Variants in TMEM132C observed in about 807,000 individuals in gnomAD.
TMEM132C encodes protein phosphatase 1, regulatory subunit 152.
TMEM132C carries 29 observed loss-of-function variants against 61.4 expected under a neutral mutation model. The ratio of observed to expected loss-of-function variants is 0.47; its 90% CI spans 0.35 to 0.64. The LOEUF (loss-of-function observed/expected upper bound fraction) is 0.64, where lower values mean the gene tolerates loss of function less well. TMEM132C is among the 30% of genes least tolerant of loss of function. The probability of loss-of-function intolerance (pLI) is 0.00; values close to 1 mark genes in which losing one functional copy is unlikely to be tolerated. For synonymous variants in TMEM132C, 656 were observed against 633.1 expected (o/e 1.04, Z -0.54); for missense variants, 1,408 against 1,476.9 (o/e 0.95, Z 0.76).
chr12:128,267,317 C>A lies in TMEM132C; in HGVS notation c.-86C>A, dbSNP rs1333470036. ...CGGCCGACCGGGCTGCGGGAGTGGC[C>A]CCGGGCATGGGGCGGCCGGCGGGGG... On this transcript the variant is annotated 5_prime_UTR_variant, in exon 1 of 9. Coordinates refer to ENST00000435159, the MANE Select transcript of TMEM132C (RefSeq NM_001136103.3). 4.5e-6 allele frequency: 4 copies of A among 881,434 alleles called. No individual in the cohort carries two copies. Among genetic ancestry groups the A allele is most frequent in the Non-Finnish European group, 5.4e-6 (4 of 736,510 alleles). The allele number at this position is 881,434 out of a possible 1,614,324, so 54.6% of individuals were successfully genotyped here.
intron 2 of TMEM132C, among the ~76,000 whole-genome samples, chr12:128,502,466 C>T (rs1277363694): frequency 1.3e-5 from 2 of 152,298 alleles, no homozygotes; most frequent in African/African-American, 2.4e-5. Context: ...AACTTGGTTA[C>T]GATTTCATTT....
Position 128,696,625 on chromosome 12 carries a change from A to G in TMEM132C, c.1929+522A>G, listed in dbSNP as rs150251392. 6.0e-3 allele frequency among the ~76,000 whole-genome samples: 917 copies of G among 152,310 alleles called. 11 individuals are homozygous for G. Among genetic ancestry groups the G allele is most frequent in the African/African-American group, 0.021 (878 of 41,566 alleles). On this transcript the variant is annotated intron_variant, in intron 7 of 8. Coordinates refer to ENST00000435159, the MANE Select transcript of TMEM132C (RefSeq NM_001136103.3). ...GAATGGTAAAATTTCATGATGGGGC[A>G]TGAACAGCCTTTTCCTCAATCCCTC...
chr12:128,370,024 A>C (rs1438029677), intron 1 of TMEM132C, among the ~76,000 whole-genome samples: 3 of 152,214 alleles, frequency 2.0e-5, no homozygotes, highest in Non-Finnish European at 4.4e-5. Flanking sequence ...ATTTCTTGAA[A>C]GTCTTCCCTT....
Position 128,705,178 on chromosome 12 carries a change from C to A in TMEM132C, c.2210C>A (p.Ala737Asp). 1.3e-6 allele frequency: 2 copies of A among 1,551,710 alleles called. No homozygotes were observed. Among genetic ancestry groups the A allele is most frequent in the Admixed American group, 2.0e-5 (1 of 51,012 alleles). The change falls in exon 9 of 9, where the codon GCC becomes GAC. Residue 737 changes from alanine to aspartate, a missense_variant. Transcript: ENST00000435159. ...IYDTKDFSLA[A>D]TSQDEAVVSV... ...GACACCAAGGACTTCTCCCTGGCAG[C>A]CACCTCCCAGGACGAGGCTGTCGTG...
chr12:128,425,701 C>T (rs76278997), intron 2 of TMEM132C, among the ~76,000 whole-genome samples: 8,361 of 152,244 alleles, frequency 0.055, 745 homozygotes, highest in African/African-American at 0.19. Context: ...TCCTTGCCTT[C>T]GCCAGCTGTC....
chr12:128,400,702 G>A (rs189803334), intron 1 of TMEM132C, among the ~76,000 whole-genome samples: 5 of 151,710 alleles, frequency 3.3e-5, no homozygotes, highest in South Asian at 2.1e-4. Flanking sequence ...TCTGCTTCCC[G>A]GGTTCAAGCG....
intron 1 of TMEM132C, among the ~76,000 whole-genome samples, chr12:128,330,192 G>A (rs758846384): frequency 3.9e-5 from 6 of 152,096 alleles, no homozygotes; most frequent in East Asian, 1.9e-4. Flanking sequence ...ACCTATGCAC[G>A]TGATATTTGA....
At chr12:128,687,966 A>G (rs542182588) in intron 5 of TMEM132C, among the ~76,000 whole-genome samples, 9 of 152,166 alleles carry the variant, frequency 5.9e-5, no homozygotes, top group Admixed American at 1.3e-4. Flanking sequence ...TGGATCAGCA[A>G]TCCTCAAGTT....
Position 128,443,845 on chromosome 12 carries a change from A to G in TMEM132C, c.974+28225A>G, listed in dbSNP as rs143631305. ...GAATGCTCCGTCCTCTGTCTTCACA[A>G]AGTGGGCTTCTTCCTGCCATTCAGG... On this transcript the variant is annotated intron_variant, in intron 2 of 8. Coordinates refer to ENST00000435159, the MANE Select transcript of TMEM132C (RefSeq NM_001136103.3). Among the ~76,000 whole-genome samples the G allele has an allele frequency of 3.0e-4, 45 of 152,260 alleles. No individual in the cohort carries two copies. In the East Asian group the frequency reaches 7.7e-3, roughly 26 times the overall value.
intron 1 of TMEM132C, among the ~76,000 whole-genome samples, chr12:128,396,384 GT>G (rs11367765): frequency 0.38 from 56,896 of 151,318 alleles, 11,986 homozygotes; most frequent in African/African-American, 0.57. Context: ...GGGGCCTGTC[GT>G]GGGGGTGAGG....
intron 2 of TMEM132C, among the ~76,000 whole-genome samples, chr12:128,532,555 C>T (rs371520080): frequency 1.6e-4 from 21 of 129,708 alleles, no homozygotes; most frequent in African/African-American, 4.8e-4. Flanking sequence ...AGGAGAATGT[C>T]TTGAACCCTG....
At chr12:128,424,935 A>G (rs1290016886) in intron 2 of TMEM132C, among the ~76,000 whole-genome samples, 1 of 152,186 alleles carries the variant, frequency 6.6e-6, no homozygotes, top group African/African-American at 2.4e-5. Flanking sequence ...TTTGTACTGT[A>G]TCACATTTAG....
intron 1 of TMEM132C, among the ~76,000 whole-genome samples, chr12:128,311,936 G>C (rs1473699966): frequency 6.6e-6 from 1 of 152,192 alleles, no homozygotes; most frequent in African/African-American, 2.4e-5. Flanking sequence ...CATATCCTCT[G>C]CTTATCTCAG....
intron 1 of TMEM132C, among the ~76,000 whole-genome samples, chr12:128,274,578 G>A (rs1277888341): frequency 6.6e-6 from 1 of 152,232 alleles, no homozygotes; most frequent in Non-Finnish European, 1.5e-5. Context: ...GCTAAAGGAC[G>A]AGGTTTCCTA....
At chr12:128,314,348 AG>A (rs1379767734) in intron 1 of TMEM132C, among the ~76,000 whole-genome samples, 3 of 69,286 alleles carry the variant, frequency 4.3e-5, no homozygotes, top group Non-Finnish European at 1.1e-4. Flanking sequence ...GCTGCCCATC[AG>A]GCCTTCTATT....
intron 2 of TMEM132C, among the ~76,000 whole-genome samples, chr12:128,458,953 T>A (rs1330763790): frequency 3.9e-5 from 6 of 152,188 alleles, no homozygotes; most frequent in African/African-American, 1.4e-4. Flanking sequence ...AGTGGCCAGG[T>A]GGCCCAGCTA....
intron 1 of TMEM132C, among the ~76,000 whole-genome samples, chr12:128,279,805 C>T (rs1394018699): frequency 6.6e-6 from 1 of 152,220 alleles, no homozygotes; most frequent in African/African-American, 2.4e-5. Flanking sequence ...TCTCTTTGCA[C>T]TTATCACCTC....
chr12:128,657,637 G>A (rs61940569), intron 4 of TMEM132C, among the ~76,000 whole-genome samples: 19,160 of 152,184 alleles, frequency 0.13, 1,229 homozygotes, highest in Middle Eastern at 0.21. Flanking sequence ...TGAGCACTCA[G>A]GGTTCCTCTG....
At chr12:128,534,887 T>A (rs1873462275) in intron 2 of TMEM132C, among the ~76,000 whole-genome samples, 1 of 152,232 alleles carries the variant, frequency 6.6e-6, no homozygotes, top group Non-Finnish European at 1.5e-5. Flanking sequence ...AGAATCCTCC[T>A]ATGAACATGC....
Sources: gnomAD v4.1 joint callset for allele counts (sites outside exome capture counted in the v4.1 genomes callset) on GRCh38, gnomAD v4.1.1 for gene constraint, MANE v1.5 for transcripts, NCBI Gene and HGNC (gene_info 2026-07-23, HGNC 2026-07-21) for gene names.